ATP2C1: variants seen among roughly 807,000 people sequenced by gnomAD.
ATP2C1 encodes the protein calcium-transporting ATPase type 2C member 1.
ATP2C1 carries 31 observed loss-of-function variants against 120.5 expected under a neutral mutation model. That is an observed-to-expected ratio of 0.26 (90% CI 0.19 to 0.35). The LOEUF is 0.35. Ranked by LOEUF, ATP2C1 falls within the 10% of genes least tolerant of loss-of-function variation. The probability of loss-of-function intolerance (pLI) is 1.00; values close to 1 mark genes in which losing one functional copy is unlikely to be tolerated. For synonymous variants in ATP2C1, 351 were observed against 358.7 expected, an observed-to-expected ratio of 0.98 and a Z score of 0.24; for missense variants, 731 against 1,107.5, an observed-to-expected ratio of 0.66 and a Z score of 4.83.
At chr3:130,967,729 A>G (rs190880632) in intron 16 of ATP2C1, among the ~76,000 whole-genome samples, 1 of 152,344 alleles carries the variant, frequency 6.6e-6, no homozygotes, top group African/African-American at 2.4e-5. Context: ...AAATGTGTGT[A>G]ATTGCTGATA....
chr3:131,011,341 T>C (rs2063310884), intron 26 of ATP2C1, among the ~76,000 whole-genome samples: 1 of 152,262 alleles, frequency 6.6e-6, no homozygotes, highest in African/African-American at 2.4e-5. Flanking sequence ...AAAGTTTTCC[T>C]GTCTCTGCAG....
intron 26 of ATP2C1, among the ~76,000 whole-genome samples, chr3:130,999,123 T>C (rs1299554073): frequency 6.6e-6 from 1 of 152,176 alleles, no homozygotes; most frequent in Admixed American, 6.5e-5. Flanking sequence ...GGTTTTACTT[T>C]TTCAGTACAC....
At chr3:130,994,250 TGAA>T (rs2062493730) in intron 22 of ATP2C1, 152 bp downstream of exon 22, 1 of 908,472 alleles carries the variant, frequency 1.1e-6, no homozygotes, top group Non-Finnish European at 1.7e-6. Context: ...TTTTATGGTA[TGAA>T]GAAGATGATT....
intron 18 of ATP2C1, among the ~76,000 whole-genome samples, chr3:130,977,195 C>T (rs996616499): frequency 3.9e-5 from 6 of 152,190 alleles, no homozygotes; most frequent in African/African-American, 9.6e-5. Context: ...GGCAGCTCCA[C>T]TGAGACAATC....
chr3:130,996,684 A>G lies in ATP2C1; in HGVS notation c.2131A>G (p.Ile711Val), dbSNP rs780860067. ...AATGACTCTCTTTTTCAACAGGAGT[A>G]TAGCAGCATTAACTTTAATCTCATT... is the stretch of plus-strand genomic sequence containing the variant. ...NFVRFQLSTS[I>V]AALTLISLAT... The change falls in exon 24 of 28, where the codon ATA (isoleucine) becomes GTA (valine). Residue 711 changes from isoleucine (I) to valine (V), a missense_variant. This residue lies in a region of ATP2C1 where 19 missense variants were observed against 60.0 expected (regional missense o/e 0.32). Coordinates refer to ENST00000510168, the MANE Select transcript of ATP2C1 (RefSeq NM_001378687.1). 1 of 1,582,152 alleles carries G rather than the reference A, an allele frequency of 6.3e-7. No individual in the cohort carries two copies. The highest frequency in any genetic ancestry group is 8.7e-7 in the Non-Finnish European group (1 of 1,151,044).
chr3:130,989,731 T>C (rs2062225611), intron 20 of ATP2C1, among the ~76,000 whole-genome samples: 1 of 152,242 alleles, frequency 6.6e-6, no homozygotes. Context: ...CAATTCTTTG[T>C]TCAACACATG....
At chr3:130,856,084 AG>A (rs1012044889) in intron 1 of ATP2C1, 2 of 151,868 alleles carry the variant, frequency 1.3e-5, no homozygotes, top group African/African-American at 4.8e-5. Flanking sequence ...CTTTGGGCCC[AG>A]GGGGCATGTA....
chr3:130,858,883 G>A (rs1385368547), intron 1 of ATP2C1, among the ~76,000 whole-genome samples: 1 of 152,188 alleles, frequency 6.6e-6, no homozygotes, highest in African/African-American at 2.4e-5. Flanking sequence ...TATGCATTTG[G>A]GAGGTTCCGG....
At chr3:130,893,425 A>G (rs2069265155), upstream of ATP2C1, among the ~76,000 whole-genome samples, 1 of 152,146 alleles carries the variant, frequency 6.6e-6, no homozygotes, top group Non-Finnish European at 1.5e-5. Context: ...CACACCCCTT[A>G]AAGAATTTTG....
intron 20 of ATP2C1, among the ~76,000 whole-genome samples, chr3:130,982,828 A>G (rs535529814): frequency 3.9e-5 from 6 of 152,296 alleles, no homozygotes; most frequent in African/African-American, 1.4e-4. Context: ...TAATATAGAA[A>G]AGTAAGAGCT....
rs1576918652 is a variant in ATP2C1, at chr3:130,967,378, G to A, written c.1267G>A (p.Gly423Arg). The A allele has an allele frequency of 6.2e-7, 1 of 1,613,698 alleles. No homozygotes were observed. The highest frequency in any genetic ancestry group is 8.5e-7 in the Non-Finnish European group (1 of 1,179,746). The change falls in exon 16 of 28, where the codon GGG becomes AGG. Residue 423 changes from glycine (G) to arginine (R), a missense_variant. Physicochemically the swap from Gly to Arg is moderately radical, Grantham distance 125. Around this residue, in one of 3 missense-constraint regions of ATP2C1, gnomAD observed 571 missense variants for 845.9 expected, o/e 0.67. Coordinates refer to ENST00000510168, the MANE Select transcript of ATP2C1 (RefSeq NM_001378687.1). The part of the protein sequence containing the change: ...DAVIRNNTLM[G>R]KPTEGALIAL... ...TGTAATTAGAAACAATACTCTAATG[G>A]GGAAGCCAACAGAAGGGGCCTTAAT... is the stretch of plus-strand genomic sequence containing the variant.
Position 130,953,971 on chromosome 3 carries a change from G to T in ATP2C1, c.682G>T (p.Ala228Ser). ...FMGTLVRCGK[A>S]KGVVIGTGEN... ...GGGAACACTGGTCAGATGTGGCAAA[G>T]CAAAGGTAAATTTTTTTCCTGATTT... Residue 228 changes from alanine (A) to serine (S), a missense_variant, in exon 9 of 28, where the codon GCA becomes TCA. By Grantham distance (99) the Ala-to-Ser change is moderately conservative (BLOSUM62 1). Coordinates refer to ENST00000510168, the MANE Select transcript of ATP2C1 (RefSeq NM_001378687.1). 1 of 1,613,978 alleles carries T rather than the reference G, an allele frequency of 6.2e-7. No individual in the cohort carries two copies.
chr3:130,999,883 A>G (rs1486222353), intron 27 of ATP2C1, among the ~76,000 whole-genome samples: 3 of 152,206 alleles, frequency 2.0e-5, no homozygotes, highest in African/African-American at 7.2e-5. Flanking sequence ...TATAAAAATC[A>G]TAATACGTGA....
chr3:130,904,950 G>T (rs1428477527), intron 2 of ATP2C1, among the ~76,000 whole-genome samples: 1 of 151,940 alleles, frequency 6.6e-6, no homozygotes, highest in African/African-American at 2.4e-5. Flanking sequence ...TTCTCGCTTT[G>T]GTTATTGAGG....
At chr3:130,908,293 A>T (rs2058234284) in intron 2 of ATP2C1, among the ~76,000 whole-genome samples, 1 of 152,130 alleles carries the variant, frequency 6.6e-6, no homozygotes, top group African/African-American at 2.4e-5. Flanking sequence ...TGTAATACCA[A>T]AAGACAGGAG....
At chr3:130,873,744 TTAAG>T (rs1490196965) in intron 1 of ATP2C1, among the ~76,000 whole-genome samples, 6 of 152,278 alleles carry the variant, frequency 3.9e-5, no homozygotes, top group Admixed American at 1.3e-4. Flanking sequence ...ATAGTATACT[TTAAG>T]TAAGTGTAAA....
chr3:131,015,210 T>G, intron 26 of ATP2C1: 1 of 702,420 alleles, frequency 1.4e-6, no homozygotes, highest in East Asian at 2.7e-5. Context: ...CCACCATATT[T>G]TGTATGCGTC....
intron 20 of ATP2C1, among the ~76,000 whole-genome samples, chr3:130,983,380 T>G (rs2061856779): frequency 6.6e-6 from 1 of 152,218 alleles, no homozygotes; most frequent in Non-Finnish European, 1.5e-5. Context: ...TCTACATTCC[T>G]ACTCCATCTC....
rs368565402 is a variant in ATP2C1 at position 130,873,996 on chromosome 3, G to A, written c.108+23068G>A. The stretch of plus-strand genomic sequence containing the variant: ...ATGGTGGCGGGTGCCTGTAATCCCA[G>A]CTACTCAGAAGGCTGAGGCAGGAGA... On this transcript the variant is annotated intron_variant, in intron 1 of 26. Coordinates refer to the ATP2C1 transcript ENST00000504381. 1.7e-3 allele frequency among the ~76,000 whole-genome samples: 265 copies of A among 152,014 alleles called. 5 individuals carry two copies. Among genetic ancestry groups the A allele is most frequent in the African/African-American group, 6.2e-3 (256 of 41,456 alleles).
Sources: gnomAD v4.1 joint callset for allele counts (sites outside exome capture counted in the v4.1 genomes callset) on GRCh38, gnomAD v4.1.1 for gene constraint, gnomAD v4.1.1 regional missense constraint, MANE v1.5 for transcripts, NCBI Gene and HGNC (gene_info 2026-07-23, HGNC 2026-07-21) for gene names.